Variants in TM2D1 observed in about 807,000 individuals in gnomAD.
TM2D1 encodes TM2 domain containing 1, also known as TM2 domain-containing protein 1.
In TM2D1, 15 loss-of-function variants were observed where a neutral mutation model predicts 28.4. The ratio of observed to expected loss-of-function variants is 0.53; its 90% CI spans 0.35 to 0.81. TM2D1 has a LOEUF of 0.81. Ranked by LOEUF, TM2D1 falls within the 40% of genes least tolerant of loss-of-function variation. The pLI, the probability that TM2D1 is intolerant of heterozygous loss-of-function variation, is 0.01. For missense variants in TM2D1, 236 were observed against 254.9 expected (o/e 0.93, Z 0.50); for synonymous variants, 93 against 96.2 (o/e 0.97, Z 0.20).
intron 2 of TM2D1, among the ~76,000 whole-genome samples, chr1:61,719,409 CAGAGAGAGAG>C (rs59016152): frequency 1.3e-5 from 2 of 149,224 alleles, no homozygotes; most frequent in Non-Finnish European, 3.0e-5. Context: ...AGTATATACA[CAGAGAGAGAG>C]AGAGAGAGAG....
intron 2 of TM2D1, among the ~76,000 whole-genome samples, chr1:61,720,274 C>T (rs1381416019): frequency 1.3e-5 from 2 of 151,718 alleles, no homozygotes; most frequent in East Asian, 3.9e-4. Flanking sequence ...CAGAGTCTGG[C>T]TCTGTCGCCC....
At chr1:61,704,940 A>C (rs1479640011) in intron 3 of TM2D1, among the ~76,000 whole-genome samples, 1 of 152,088 alleles carries the variant, frequency 6.6e-6, no homozygotes, top group Non-Finnish European at 1.5e-5. Flanking sequence ...GGAATAGCCA[A>C]ATGCTGCAGA....
chr1:61,685,404 T>C (rs1297484050), intron 5 of TM2D1, among the ~76,000 whole-genome samples: 1 of 152,242 alleles, frequency 6.6e-6, no homozygotes, highest in South Asian at 2.1e-4. Flanking sequence ...AATTTAAAAA[T>C]ATGTGGAGAG....
At chr1:61,714,036 C>T (rs1374394482) in intron 2 of TM2D1, among the ~76,000 whole-genome samples, 2 of 147,520 alleles carry the variant, frequency 1.4e-5, no homozygotes, top group East Asian at 4.0e-4. Flanking sequence ...GCTGGGACTA[C>T]AGGCGCCCGC....
intron 6 of TM2D1, among the ~76,000 whole-genome samples, chr1:61,682,552 T>A (rs72925634): frequency 0.016 from 2,449 of 152,074 alleles, 72 homozygotes; most frequent in African/African-American, 0.056. Context: ...AACCAGAGAG[T>A]TGAACCAGGA....
At chr1:61,695,540 T>C (rs374517107) in intron 4 of TM2D1, among the ~76,000 whole-genome samples, 1 of 152,152 alleles carries the variant, frequency 6.6e-6, no homozygotes, top group East Asian at 1.9e-4. Context: ...ACAAGACATC[T>C]CATATGAGAT....
chr1:61,712,353 C>A (rs1036397345), intron 2 of TM2D1, among the ~76,000 whole-genome samples: 1 of 152,160 alleles, frequency 6.6e-6, no homozygotes, highest in African/African-American at 2.4e-5. Flanking sequence ...CACATTTAAA[C>A]AGACATCTAA....
intron 3 of TM2D1, 89 bp from the exon 4 acceptor site, chr1:61,701,114 T>G (rs906798381): frequency 1.0e-6 from 1 of 974,916 alleles, no homozygotes; most frequent in Admixed American, 2.2e-5. Flanking sequence ...AATTGGTTCA[T>G]TCTTTCACTC....
chr1:61,711,498 A>C (rs769976033), intron 2 of TM2D1, among the ~76,000 whole-genome samples: 35 of 151,958 alleles, frequency 2.3e-4, no homozygotes, highest in Non-Finnish European at 2.9e-5. Flanking sequence ...AAAAAATAAA[A>C]TAATTGGTCA....
At chr1:61,683,841 G>C (rs12119397) in intron 5 of TM2D1, 1 of 202,064 alleles carries the variant, frequency 4.9e-6, no homozygotes, top group Middle Eastern at 1.9e-3. Context: ...TCATTCTGCA[G>C]AGTGGCACTC....
At chr1:61,689,284 T>C (rs569806052) in intron 5 of TM2D1, among the ~76,000 whole-genome samples, 2 of 152,324 alleles carry the variant, frequency 1.3e-5, no homozygotes, top group South Asian at 4.1e-4. Flanking sequence ...AAAATGTTCG[T>C]AAAATGCAAA....
intron 5 of TM2D1, among the ~76,000 whole-genome samples, chr1:61,691,608 T>C (rs1297315720): frequency 6.6e-6 from 1 of 151,508 alleles, no homozygotes; most frequent in Non-Finnish European, 1.5e-5. Context: ...AATCTATCCT[T>C]CATGACATAT....
chr1:61,722,521 A>G (rs1255415207), intron 2 of TM2D1, among the ~76,000 whole-genome samples: 1 of 151,910 alleles, frequency 6.6e-6, no homozygotes, highest in African/African-American at 2.4e-5. Flanking sequence ...GGTGCCCATC[A>G]CTGCACCTGG....
At chr1:61,691,939 A>ATATATATATG (rs1644330331) in intron 5 of TM2D1, among the ~76,000 whole-genome samples, 2 of 96,056 alleles carry the variant, frequency 2.1e-5, no homozygotes, top group Non-Finnish European at 2.1e-5. Flanking sequence ...AAAAATATAT[A>ATATATATATG]TATATATATA....
chr1:61,717,164 C>A lies in TM2D1; in HGVS notation c.238+6549G>T, dbSNP rs7528841. On this transcript the variant is annotated intron_variant, in intron 2 of 6. Transcript: ENST00000606498. The stretch of plus-strand genomic sequence containing the variant: ...GAGATCGAGACCATCCTGGCTAACA[C>A]GGTGAAACCCCTTCTCTACTAAAAA... 2.0e-5 allele frequency among the ~76,000 whole-genome samples: 3 copies of A among 151,290 alleles called. No individual in the cohort carries two copies. The South Asian group carries it at 6.3e-4, about 32-fold the overall frequency.
intron 3 of TM2D1, among the ~76,000 whole-genome samples, chr1:61,707,021 G>A (rs557373877): frequency 2.0e-5 from 3 of 152,242 alleles, no homozygotes; most frequent in Admixed American, 1.3e-4. Context: ...TTGAGAGCCC[G>A]AGGCGGGCTG....
chr1:61,700,631 A>T (rs551710676), intron 4 of TM2D1, among the ~76,000 whole-genome samples: 22 of 152,304 alleles, frequency 1.4e-4, no homozygotes, highest in African/African-American at 5.3e-4. Flanking sequence ...TAAAACATTA[A>T]CTAAACATCC....
chr1:61,709,870 T>A (rs1199987473), intron 2 of TM2D1, among the ~76,000 whole-genome samples: 1 of 152,236 alleles, frequency 6.6e-6, no homozygotes, highest in Non-Finnish European at 1.5e-5. Flanking sequence ...TACCAACGCT[T>A]ATAGATAATT....
At position 61,723,803 on chromosome 1, in the gene TM2D1, A is replaced by G; in HGVS notation, c.165-17T>C. 7.8e-7 allele frequency: 1 copy of G among 1,284,624 alleles called. No homozygotes were observed. Among genetic ancestry groups the G allele is most frequent in the Non-Finnish European group, 1.1e-6 (1 of 914,738 alleles). 79.6% of individuals were successfully genotyped at this position (1,284,624 alleles called of 1,614,324 possible). A position where few individuals can be genotyped will look rare whatever the true frequency, so the allele number is the denominator to read the frequency against. ...CAAATATATGTAAAAAAAAAAGTTA[A>G]GGAAATACGGACTACATTCCAACAC... On this transcript the variant is annotated splice_polypyrimidine_tract_variant and intron_variant, in intron 1 of 6. Coordinates refer to ENST00000606498, the MANE Select transcript of TM2D1 (RefSeq NM_032027.3).
Sources: gnomAD v4.1 joint callset for allele counts (sites outside exome capture counted in the v4.1 genomes callset) on GRCh38, gnomAD v4.1.1 for gene constraint, MANE v1.5 for transcripts, NCBI Gene and HGNC (gene_info 2026-07-23, HGNC 2026-07-21) for gene names.